The following TYRP1 variants were observed in gnomAD, a reference collection of about 807,000 sequenced individuals.
The protein encoded by TYRP1 is tyrosinase related protein 1.
A neutral mutation model predicts 42.8 loss-of-function variants in TYRP1; 49 were observed. The observed-to-expected ratio is 1.14, with a 90% CI of 0.91 to 1.45. The LOEUF is 1.45. Among genes scored for constraint, TYRP1 ranks in the 40% most tolerant of loss-of-function variants. TYRP1 has a pLI of 0.00. For missense variants in TYRP1, 848 were observed against 662.0 expected (o/e 1.28, Z -3.08); for synonymous variants, 279 against 235.4 (o/e 1.19, Z -1.69).
Position 12,693,972 on chromosome 9 carries a change from G to A in TYRP1, c.-25G>A, listed in dbSNP as rs775501081. On this transcript the variant is annotated 5_prime_UTR_variant, in exon 2 of 8. Coordinates refer to ENST00000388918, the MANE Select transcript of TYRP1 (RefSeq NM_000550.3). ...ACAAAGAGCTGCAAACCAGGTCTTT[G>A]TTTTGCACTCTTATTTCAAGCAGAA... The A allele has an allele frequency of 2.0e-5, 32 of 1,613,262 alleles. 1 individual carries two copies. The South Asian group carries it at 3.1e-4, about 16-fold the overall frequency.
At chr9:12,694,551 A>G in intron 2 of TYRP1, 170 bp downstream of exon 2, 2 of 832,926 alleles carry the variant, frequency 2.4e-6, no homozygotes, top group Non-Finnish European at 3.7e-6. Context: ...TGTTTAATGT[A>G]AAGGGTTGGA....
At chr9:12,706,089 T>C (rs940147224) in intron 6 of TYRP1, among the ~76,000 whole-genome samples, 2 of 152,062 alleles carry the variant, frequency 1.3e-5, no homozygotes, top group African/African-American at 4.8e-5. Context: ...TTTACAGTCA[T>C]GATGACCACT....
At chr9:12,697,802 C>G (rs1416714200) in intron 3 of TYRP1, among the ~76,000 whole-genome samples, 1 of 152,160 alleles carries the variant, frequency 6.6e-6, no homozygotes, top group Non-Finnish European at 1.5e-5. Flanking sequence ...AAGATTTACT[C>G]TGCTTCTGTT....
rs1415639296 is a variant in TYRP1, at chr9:12,693,404, G to A, written c.-160G>A. On this transcript the variant is annotated 5_prime_UTR_variant, in exon 1 of 8. Coordinates refer to ENST00000388918, the MANE Select transcript of TYRP1 (RefSeq NM_000550.3). ...GCACTTAACAGTTCTGACGTGAGAG[G>A]ACAAGAAACACAAGCAAATATAAAA... 6.5e-6 allele frequency: 1 copy of A among 154,964 alleles called. No individual in the cohort carries two copies. Among genetic ancestry groups the A allele is most frequent in the African/African-American group, 2.4e-5 (1 of 41,428 alleles). The allele number at this position is 154,964 out of a possible 1,614,324, so 9.6% of individuals were successfully genotyped here.
chr9:12,698,678 G>T, intron 4 of TYRP1, 23 bp downstream of exon 4: 1 of 1,606,406 alleles, frequency 6.2e-7, no homozygotes, highest in Non-Finnish European at 8.5e-7. Context: ...TGATAGCTTG[G>T]AGTCAGAATT....
rs76601045 is a variant in TYRP1 at position 12,701,055 on chromosome 9, T to C, written c.914-1216T>C. On this transcript the variant is annotated intron_variant, in intron 4 of 7. Transcript: ENST00000388918. ...TCTCTCACCAGCTTAGTGGATTGTT[T>C]TGCTTGTCCCTTTACGGTACATATA... is the stretch of plus-strand genomic sequence containing the variant. Among the ~76,000 whole-genome samples the C allele has an allele frequency of 3.4e-4, 52 of 152,142 alleles. 1 individual carries two copies. The East Asian group carries it at 8.4e-3, about 24-fold the overall frequency.
chr9:12,695,754 G>A lies in TYRP1; in HGVS notation c.625G>A (p.Gly209Ser), dbSNP rs922062328. The change falls in exon 3 of 8, where the codon GGT becomes AGT. Residue 209 changes from glycine to serine, a missense_variant. Physicochemically the swap from Gly to Ser is moderately conservative, Grantham distance 56. Coordinates refer to ENST00000388918, the MANE Select transcript of TYRP1 (RefSeq NM_000550.3). ...TFLGVGQESF[G>S]EVDFSHEGPA... ...CCTTGGGGTAGGACAGGAAAGCTTTGGTGAAGTGGATTTCTCTCATGAGGG... is the reference window on the plus strand; with the variant it reads ...CCTTGGGGTAGGACAGGAAAGCTTTAGTGAAGTGGATTTCTCTCATGAGGG... 2.5e-6 allele frequency: 4 copies of A among 1,614,104 alleles called. No homozygotes were observed. The highest frequency in any genetic ancestry group is 3.4e-6 in the Non-Finnish European group (4 of 1,180,006).
rs1291243863 is a variant in TYRP1, at chr9:12,700,394, A to G, written c.913+1739A>G. The stretch of plus-strand genomic sequence containing the variant: ...TTAATGCGCCAAACTTGGTGGATTG[A>G]AAATAGTTAATATTTTATTGCAGCT... On this transcript the variant is annotated intron_variant, in intron 4 of 7. Transcript: ENST00000388918. 3.9e-5 allele frequency: 6 copies of G among 152,208 alleles called. No homozygotes were observed. The East Asian group carries it at 1.2e-3, about 29-fold the overall frequency. The allele number at this position is 152,208 out of a possible 1,614,324, so 9.4% of individuals were successfully genotyped here.
chr9:12,695,411 CA>C (rs1818059034), intron 2 of TYRP1, 103 bp from the exon 3 acceptor site: 2 of 1,038,300 alleles, frequency 1.9e-6, no homozygotes, highest in Admixed American at 3.9e-5. Context: ...CACATTTGAA[CA>C]GATGGATAAA....
chr9:12,695,698 G>C lies in TYRP1; in HGVS notation c.569G>C (p.Trp190Ser), dbSNP rs902047739. The C allele has an allele frequency of 6.2e-7, 1 of 1,614,156 alleles. No individual in the cohort carries two copies. Among genetic ancestry groups the C allele is most frequent in the African/African-American group, 1.3e-5 (1 of 75,042 alleles). The change falls in exon 3 of 8, where the codon TGG becomes TCG. Residue 190 changes from tryptophan (W) to serine (S), a missense_variant. Physicochemically the swap from Trp to Ser is radical, Grantham distance 177. Transcript: ENST00000388918. ...ATTTCCATTTATAACTACTTTGTTT[G>C]GACACACTATTACTCAGTCAAAAAG... ...ENISIYNYFV[W>S]THYYSVKKTF...
rs184513451 is a variant in TYRP1, at chr9:12,705,347, A to G, written c.1261+642A>G. On this transcript the variant is annotated intron_variant, in intron 6 of 7. Transcript: ENST00000388918. ...ACTGGTTAAAACATCGCAAATTTTC[A>G]TAGGTTGAAAGCATTCTAAATTTTG... Among the ~76,000 whole-genome samples the G allele has an allele frequency of 1.9e-4, 29 of 152,186 alleles. No individual in the cohort carries two copies. In the East Asian group the frequency reaches 5.2e-3, roughly 28 times the overall value.
At chr9:12,707,178 G>C (rs1221627829) in intron 6 of TYRP1, among the ~76,000 whole-genome samples, 5 of 151,978 alleles carry the variant, frequency 3.3e-5, no homozygotes, top group Non-Finnish European at 7.4e-5. Flanking sequence ...CAGAAGTTCA[G>C]TGTATTTTCA....
chr9:12,706,901 T>A (rs969176587), intron 6 of TYRP1, among the ~76,000 whole-genome samples: 1 of 151,944 alleles, frequency 6.6e-6, no homozygotes, highest in Non-Finnish European at 1.5e-5. Context: ...TCTTTACAAA[T>A]TGCAGAATAA....
At position 12,702,322 on chromosome 9, in the gene TYRP1, C is replaced by A; in HGVS notation, c.965C>A (p.Pro322Gln). 6.2e-7 allele frequency: 1 copy of A among 1,613,150 alleles called. No homozygotes were observed. Among genetic ancestry groups the A allele is most frequent in the Non-Finnish European group, 8.5e-7 (1 of 1,179,496 alleles). The change falls in exon 5 of 8, where the codon CCA (proline) becomes CAA (glutamine). Residue 322 changes from proline to glutamine, a missense_variant. Transcript: ENST00000388918. Reference protein sequence around the residue: ...RRNPAGNVARPMVQRLPEPQD... With the variant: ...RRNPAGNVARQMVQRLPEPQD... The stretch of plus-strand genomic sequence containing the variant: ...AATCCAGCTGGAAATGTGGCCAGAC[C>A]AATGGTGCAACGTCTTCCTGAACCA...
chr9:12,698,319 CCGTTGATATA>C (rs1818109328), intron 3 of TYRP1, 122 bp from the exon 4 acceptor site: 2 of 875,474 alleles, frequency 2.3e-6, no homozygotes, highest in Non-Finnish European at 3.7e-6. Context: ...CCCTCAGACA[CCGTTGATATA>C]CTAACCAGTA....
chr9:12,698,314 A>C, intron 3 of TYRP1, 137 bp from the exon 4 acceptor site: 1 of 848,524 alleles, frequency 1.2e-6, no homozygotes, highest in East Asian at 2.6e-5. Context: ...TGGGCCCCTC[A>C]GACACCGTTG....
Position 12,709,302 on chromosome 9 carries a change from T to A in TYRP1, c.*120T>A. The A allele has an allele frequency of 9.2e-7, 1 of 1,082,438 alleles. No homozygotes were observed. Among genetic ancestry groups the A allele is most frequent in the South Asian group, 1.3e-5 (1 of 76,434 alleles). The allele number at this position is 1,082,438 out of a possible 1,614,324, so 67.1% of individuals were successfully genotyped here. A position where few individuals can be genotyped will look rare whatever the true frequency, so the allele number is the denominator to read the frequency against. The stretch of plus-strand genomic sequence containing the variant: ...CCTTCTTTCTAATACAAGCATATGT[T>A]AGCATTAAAGTTCTAGGCATACTTT... On this transcript the variant is annotated 3_prime_UTR_variant, in exon 8 of 8. Transcript: ENST00000388918.
chr9:12,694,990 G>A (rs149589833), intron 2 of TYRP1, among the ~76,000 whole-genome samples: 145 of 152,232 alleles, frequency 9.5e-4, no homozygotes, highest in African/African-American at 3.4e-3. Flanking sequence ...TCCTTACTAT[G>A]AGTTAGGCCT....
chr9:12,694,445 T>G (rs1818045112), intron 2 of TYRP1, 64 bp downstream of exon 2: 19 of 1,580,428 alleles, frequency 1.2e-5, no homozygotes, highest in Non-Finnish European at 1.6e-5. Flanking sequence ...AATAAAATCT[T>G]AAATCATTTG....
Sources: allele counts gnomAD v4.1 joint callset (sites outside exome capture counted in the v4.1 genomes callset), GRCh38; gene constraint gnomAD v4.1.1; transcripts MANE v1.5; gene names NCBI Gene and HGNC (gene_info 2026-07-23, HGNC 2026-07-21).